Variants in RAI2 observed in about 807,000 individuals in gnomAD.
The protein encoded by RAI2 is retinoic acid-induced protein 2.
Under a neutral mutation model 15.3 loss-of-function variants are expected in RAI2, and 5 were observed. The observed-to-expected ratio is 0.33, with a 90% CI of 0.17 to 0.69. RAI2 has a LOEUF of 0.69. Among genes scored for constraint, RAI2 ranks in the 30% least tolerant of loss-of-function variants. The pLI is 0.69. For missense variants in RAI2, 424 were observed against 424.7 expected, an observed-to-expected ratio of 1.00 and a Z score of 0.01; for synonymous variants, 191 against 184.0, an observed-to-expected ratio of 1.04 and a Z score of -0.31.
At chrX:17,815,199 A>T (rs2067092199) in intron 1 of RAI2, among the ~76,000 whole-genome samples, 2 of 111,531 alleles carry the variant, frequency 1.8e-5, no homozygotes, top group South Asian at 7.6e-4. Context: ...GGGGTGGGGG[A>T]AGGAAAAAGA....
chrX:17,812,858 A>G (rs2067064892), intron 1 of RAI2, among the ~76,000 whole-genome samples: 1 of 111,611 alleles, frequency 9.0e-6, no homozygotes, highest in Admixed American at 9.6e-5. Flanking sequence ...GGTCCAAAGG[A>G]AAGATTGGTT....
chrX:17,836,175 G>C (rs1210744825), intron 1 of RAI2, among the ~76,000 whole-genome samples: 2 of 111,054 alleles, frequency 1.8e-5, no homozygotes, highest in African/African-American at 6.6e-5. Context: ...ACAGTATCGG[G>C]AGTGACAAGG....
chrX:17,804,084 C>T (rs1463004704), intron 1 of RAI2, among the ~76,000 whole-genome samples: 3 of 110,666 alleles, frequency 2.7e-5, no homozygotes, highest in African/African-American at 9.9e-5. Flanking sequence ...CTCAGCCTCC[C>T]GAGTAGCTGG....
In RAI2 at chrX:17,801,894, G is replaced by T; in HGVS notation, c.117C>A (p.Asn39Lys). 3.3e-6 allele frequency: 4 copies of T among 1,211,061 alleles called. No homozygotes were observed. Among genetic ancestry groups the T allele is most frequent in the Non-Finnish European group, 4.5e-6 (4 of 895,336 alleles). The change falls in exon 2 of 2, where the codon AAC (asparagine) becomes AAA (lysine). Residue 39 changes from asparagine (N) to lysine (K), a missense_variant. By Grantham distance (94) the Asn-to-Lys change is moderately conservative. Transcript: ENST00000451717. ...MAQLITTEAW[N>K]INSTDLVKKA... Reference sequence around the variant, plus strand: ...TCTTTACCAGGTCAGTGGAGTTGATGTTCCAGGCCTCGGTGGTGATCAGCT... The same window carrying T: ...TCTTTACCAGGTCAGTGGAGTTGATTTTCCAGGCCTCGGTGGTGATCAGCT...
At chrX:17,804,066 T>C (rs1243176711) in intron 1 of RAI2, among the ~76,000 whole-genome samples, 1 of 110,933 alleles carries the variant, frequency 9.0e-6, no homozygotes, top group Non-Finnish European at 1.9e-5. Context: ...TTCAAGTGAT[T>C]CTTCTGCCTC....
chrX:17,831,567 C>A (rs915262440), intron 1 of RAI2, among the ~76,000 whole-genome samples: 1 of 111,775 alleles, frequency 8.9e-6, no homozygotes, highest in Admixed American at 9.5e-5. Context: ...CCCCTCTCCC[C>A]ATTTTATCTA....
chrX:17,855,919 A>G (rs2067597198), intron 1 of RAI2, among the ~76,000 whole-genome samples: 1 of 112,233 alleles, frequency 8.9e-6, no homozygotes, highest in Admixed American at 9.4e-5. Flanking sequence ...TGCATCTGTT[A>G]TATTTAATGC....
intron 1 of RAI2, among the ~76,000 whole-genome samples, chrX:17,855,546 C>T (rs1176910933): frequency 3.6e-5 from 4 of 111,669 alleles, no homozygotes; most frequent in Non-Finnish European, 5.6e-5. Flanking sequence ...GAACCTCCAT[C>T]ATGGCACCTG....
intron 1 of RAI2, among the ~76,000 whole-genome samples, chrX:17,850,482 G>A (rs1282357423): frequency 8.9e-6 from 1 of 112,579 alleles, no homozygotes; most frequent in Non-Finnish European, 1.9e-5. Context: ...TGTTCAAGAG[G>A]CCAGTTTTGC....
chrX:17,800,441 C>T lies in RAI2; in HGVS notation c.1570G>A (p.Ala524Thr). ...ATTTACTTTCTTGGAAAAAAGGTGG[C>T]CAGCCGTTGTTTTTTGATTGGGAGC... ...HMLPIKKQRLATFFPRK is the reference protein window; with the variant it reads ...HMLPIKKQRLTTFFPRK Residue 524 changes from alanine (A) to threonine (T), a missense_variant, in exon 2 of 2, where the codon GCC (alanine) becomes ACC (threonine). Transcript: ENST00000451717. 8.4e-7 allele frequency: 1 copy of T among 1,191,689 alleles called. No individual in the cohort carries two copies. The highest frequency in any genetic ancestry group is 1.1e-6 in the Non-Finnish European group (1 of 886,897).
chrX:17,839,030 T>TGTC (rs1345228275), intron 1 of RAI2, among the ~76,000 whole-genome samples: 1 of 112,193 alleles, frequency 8.9e-6, no homozygotes, highest in Non-Finnish European at 1.9e-5. Context: ...CCACAGCCAC[T>TGTC]GTCATCATCA....
intron 1 of RAI2, among the ~76,000 whole-genome samples, chrX:17,851,612 C>T (rs1412372014): frequency 9.0e-6 from 1 of 111,278 alleles, no homozygotes; most frequent in African/African-American, 3.3e-5. Context: ...GATTGCTAGC[C>T]AATCAATGAC....
At position 17,800,373 on chromosome X, in the gene RAI2, A is replaced by G. The variant is rs778769306; in HGVS notation, c.*45T>C. 8.9e-7 allele frequency: 1 copy of G among 1,129,283 alleles called. No individual in the cohort carries two copies. Among genetic ancestry groups the G allele is most frequent in the Middle Eastern group, 2.5e-4 (1 of 3,994 alleles). The allele number at this position is 1,129,283 out of a possible 1,213,427, so 93.1% of individuals were successfully genotyped here. On this transcript the variant is annotated 3_prime_UTR_variant, in exon 2 of 2. Transcript: ENST00000451717. ...AAATGCCTTTTTATAAAACCAATGC[A>G]CCTTTCCCCATATTATAATCATACA...
intron 1 of RAI2, among the ~76,000 whole-genome samples, chrX:17,806,008 G>A (rs113952630): frequency 0.049 from 5,536 of 112,170 alleles, 324 homozygotes; most frequent in African/African-American, 0.17. Context: ...CTGACTCTGA[G>A]TCAGCAGCTG....
In RAI2 at chrX:17,800,361, T is replaced by A; in HGVS notation, c.*57A>T. 1 of 1,115,097 alleles carries A rather than the reference T, an allele frequency of 9.0e-7. No homozygotes were observed. Among genetic ancestry groups the A allele is most frequent in the Non-Finnish European group, 1.2e-6 (1 of 842,744 alleles). 91.9% of individuals were successfully genotyped at this position (1,115,097 alleles called of 1,213,427 possible). A position where few individuals can be genotyped will look rare whatever the true frequency, so the allele number is the denominator to read the frequency against. ...ATAATTTGTTTTAAATGCCTTTTTA[T>A]AAAACCAATGCACCTTTCCCCATAT... On this transcript the variant is annotated 3_prime_UTR_variant, in exon 2 of 2. Transcript: ENST00000451717.
intron 1 of RAI2, among the ~76,000 whole-genome samples, chrX:17,858,845 T>G (rs567013875): frequency 8.9e-6 from 1 of 111,841 alleles, no homozygotes; most frequent in South Asian, 3.7e-4. Flanking sequence ...GTCTTGGCTT[T>G]TTTTCATCAT....
intron 1 of RAI2, among the ~76,000 whole-genome samples, chrX:17,834,835 G>C (rs2067317225): frequency 1.8e-5 from 2 of 110,970 alleles, no homozygotes; most frequent in South Asian, 7.8e-4. Context: ...GGTCGCGTAT[G>C]TAATACTATT....
Position 17,800,878 on chromosome X carries a change from A to C in RAI2, c.1133T>G (p.Leu378Arg), listed in dbSNP as rs1245503821. 8.3e-7 allele frequency: 1 copy of C among 1,211,377 alleles called. No individual in the cohort carries two copies. The highest frequency in any genetic ancestry group is 1.1e-6 in the Non-Finnish European group (1 of 895,368). ...DSSGHTVMEK[L>R]PSGMEISFAP... Reference sequence around the variant, plus strand: ...AAAAGAAATTTCCATGCCACTGGGAAGTTTCTCCATCACTGTGTGACCTGA... The same window carrying C: ...AAAAGAAATTTCCATGCCACTGGGACGTTTCTCCATCACTGTGTGACCTGA... Residue 378 changes from leucine to arginine, a missense_variant, in exon 2 of 2, where the codon CTT becomes CGT. Physicochemically the swap from Leu to Arg is moderately radical, Grantham distance 102 (BLOSUM62 -2). Transcript: ENST00000451717.
At chrX:17,829,805 C>A (rs1236276295) in intron 1 of RAI2, among the ~76,000 whole-genome samples, 3 of 112,847 alleles carry the variant, frequency 2.7e-5, no homozygotes, top group South Asian at 7.3e-4. Flanking sequence ...CTAAACAGTG[C>A]AGCTGATGGC....
Sources: gnomAD v4.1 joint callset for allele counts (sites outside exome capture counted in the v4.1 genomes callset) on GRCh38, gnomAD v4.1.1 for gene constraint, MANE v1.5 for transcripts, NCBI Gene and HGNC (gene_info 2026-07-23, HGNC 2026-07-21) for gene names.